The following RXYLT1 variants were observed in gnomAD, a reference collection of about 807,000 sequenced individuals.
RXYLT1 encodes the protein ribitol-5-phosphate xylosyltransferase 1.
Under a neutral mutation model 43.5 loss-of-function variants are expected in RXYLT1, and 41 were observed. That is an observed-to-expected ratio of 0.94 (90% CI 0.73 to 1.22). The LOEUF (loss-of-function observed/expected upper bound fraction) is 1.22. RXYLT1 is among the 50% of genes most tolerant of loss of function. The pLI, the probability that RXYLT1 is intolerant of heterozygous loss-of-function variation, is 0.00. For synonymous variants in RXYLT1, 166 were observed against 194.4 expected, an observed-to-expected ratio of 0.85 and a Z score of 1.21; for missense variants, 514 against 532.0, an observed-to-expected ratio of 0.97 and a Z score of 0.33.
In RXYLT1 at chr12:63,809,320, G is replaced by T. The variant is rs1453682368; in HGVS notation, c.*228G>T. ...ATTTCTATCGCCTAGTGATGTCATA[G>T]CCTAGTGATGACATATGTATTGCAA... On this transcript the variant is annotated 3_prime_UTR_variant, in exon 6 of 6. Transcript: ENST00000261234. 2.5e-6 allele frequency: 1 copy of T among 399,460 alleles called. No individual in the cohort carries two copies. The highest frequency in any genetic ancestry group is 2.9e-5 in the South Asian group (1 of 33,990). The allele number at this position is 399,460 out of a possible 1,614,324, so 24.7% of individuals were successfully genotyped here. A position where few individuals can be genotyped will look rare whatever the true frequency, so the allele number is the denominator to read the frequency against.
At chr12:63,803,929 C>T (rs1414261880) in intron 4 of RXYLT1, 1 of 149,714 alleles carries the variant, frequency 6.7e-6, no homozygotes, top group African/African-American at 2.5e-5. Flanking sequence ...TCTTGGCTCT[C>T]TGCAACCTCT....
At position 63,808,927 on chromosome 12, in the gene RXYLT1, G is replaced by A; in HGVS notation, c.1167G>A (p.Trp389Ter). 1 of 1,613,956 alleles carries A rather than the reference G, an allele frequency of 6.2e-7. No homozygotes were observed. Among genetic ancestry groups the A allele is most frequent in the Non-Finnish European group, 8.5e-7 (1 of 1,180,030 alleles). ...CTCCCTTTATCTTTATCAAGAACTG[G>A]AAGGAACTCCCTGCTGTTTTAGAAA... ...MGAPFIFIKN[W>*]KELPAVLEKE... The change falls in exon 6 of 6, where the codon TGG becomes TGA. Residue 389 changes from tryptophan (W) to a stop codon, truncating the protein, a stop_gained. Transcript: ENST00000261234. LOFTEE classifies it high-confidence loss of function.
chr12:63,796,627 C>A lies in RXYLT1; in HGVS notation c.429-5464C>A, dbSNP rs552870825. Among the ~76,000 whole-genome samples the A allele has an allele frequency of 2.0e-5, 3 of 152,152 alleles. No homozygotes were observed. In the South Asian group the frequency reaches 6.2e-4, roughly 32 times the overall value. ...AGCAAGGAGTAAAATGTTTAGTAGTCTTAAACGTTTTGATTTTAAGAAACA... is the reference window on the plus strand; with the variant it reads ...AGCAAGGAGTAAAATGTTTAGTAGTATTAAACGTTTTGATTTTAAGAAACA... On this transcript the variant is annotated intron_variant, in intron 3 of 5. Coordinates refer to ENST00000261234, the MANE Select transcript of RXYLT1 (RefSeq NM_014254.3).
rs766690024 is a variant in RXYLT1 at position 63,805,421 on chromosome 12, TTTAA to T, written c.914+20_914+23del. On this transcript the variant is annotated intron_variant, in intron 5 of 5. Transcript: ENST00000261234. Reference sequence around the variant, plus strand: ...AAGAGAACAGTAAGTTCTATGCTTATTTAATTCATTCATTTTGTTCTCCAGTCTG... The same window carrying T: ...AAGAGAACAGTAAGTTCTATGCTTATTTCATTCATTTTGTTCTCCAGTCTG... The T allele has an allele frequency of 3.2e-6, 5 of 1,550,582 alleles. No individual in the cohort carries two copies. Among genetic ancestry groups the T allele is most frequent in the Admixed American group, 4.2e-5 (2 of 47,572 alleles).
At position 63,808,757 on chromosome 12, in the gene RXYLT1, G is replaced by C. The variant is rs777596548; in HGVS notation, c.997G>C (p.Gly333Arg). ...GAGTGATCTCACATTGTGCCCGGTC[G>C]GAGTAAACACAGAATGCTATCGAAT... ...LQSDLTLCPV[G>R]VNTECYRIYE... The change falls in exon 6 of 6, where the codon GGA becomes CGA. Residue 333 changes from glycine (G) to arginine (R), a missense_variant. Gly to Arg is a moderately radical substitution (Grantham distance 125, BLOSUM62 -2). Transcript: ENST00000261234. The C allele has an allele frequency of 9.3e-6, 15 of 1,612,418 alleles. No homozygotes were observed. The highest frequency in any genetic ancestry group is 1.2e-5 in the Non-Finnish European group (14 of 1,179,762).
At chr12:63,791,176 CCAT>C (rs1176222854) in intron 3 of RXYLT1, among the ~76,000 whole-genome samples, 2 of 152,150 alleles carry the variant, frequency 1.3e-5, no homozygotes, top group Non-Finnish European at 2.9e-5. Context: ...CTACTCATAG[CCAT>C]CATATGTTGA....
Position 63,798,886 on chromosome 12 carries a change from T to C in RXYLT1, c.429-3205T>C, listed in dbSNP as rs79613012. On this transcript the variant is annotated intron_variant, in intron 3 of 5. Transcript: ENST00000261234. ...AATGAAATAGGAATATGAGTTTTTC[T>C]TTCAGTGTCTGTGTATTTTTTTAAG... is the stretch of plus-strand genomic sequence containing the variant. Among the ~76,000 whole-genome samples, 763 of 152,362 alleles carry C rather than the reference T, an allele frequency of 5.0e-3. 9 individuals carry two copies. Among genetic ancestry groups the C allele is most frequent in the African/African-American group, 0.017 (723 of 41,582 alleles).
At chr12:63,806,972 T>G (rs1898308723) in intron 5 of RXYLT1, 1 of 152,414 alleles carries the variant, frequency 6.6e-6, no homozygotes, top group Non-Finnish European at 1.5e-5. Context: ...CCTCCAATAA[T>G]CTGGGCTTCC....
At chr12:63,787,738 T>G (rs117525324) in intron 3 of RXYLT1, among the ~76,000 whole-genome samples, 5,020 of 152,282 alleles carry the variant, frequency 0.033, 113 homozygotes, top group Middle Eastern at 0.065. Flanking sequence ...GTGATTCTCG[T>G]GCTTCAACAT....
At chr12:63,788,141 T>C (rs1158800884) in intron 3 of RXYLT1, among the ~76,000 whole-genome samples, 2 of 152,230 alleles carry the variant, frequency 1.3e-5, no homozygotes, top group Non-Finnish European at 2.9e-5. Context: ...AAGCTTAAAA[T>C]ATTCAGTAAA....
chr12:63,784,782 C>T (rs1291698724), intron 2 of RXYLT1, among the ~76,000 whole-genome samples, 188 bp from the exon 3 acceptor site: 1 of 152,222 alleles, frequency 6.6e-6, no homozygotes, highest in Non-Finnish European at 1.5e-5. Flanking sequence ...TGAGCTCTGT[C>T]TCTCATTAGC....
In RXYLT1 at chr12:63,800,533, A is replaced by G. The variant is rs114821562; in HGVS notation, c.429-1558A>G. ...AATACATACTAGTGAAAATATTTCA[A>G]TGGTACTGGTTGTTCTAGGCAGCAC... On this transcript the variant is annotated intron_variant, in intron 3 of 5. Coordinates refer to ENST00000261234, the MANE Select transcript of RXYLT1 (RefSeq NM_014254.3). 6.4e-3 allele frequency among the ~76,000 whole-genome samples: 977 copies of G among 152,286 alleles called. 12 individuals carry two copies. The highest frequency in any genetic ancestry group is 0.021 in the African/African-American group (884 of 41,560).
chr12:63,804,255 G>A (rs888809135), intron 4 of RXYLT1: 1 of 152,130 alleles, frequency 6.6e-6, no homozygotes, highest in Non-Finnish European at 1.5e-5. Context: ...CAATGTATAG[G>A]ACAGCCTCCA....
Position 63,802,136 on chromosome 12 carries a change from T to C in RXYLT1, c.474T>C (p.Asp158=). 1 of 1,612,608 alleles carries C rather than the reference T, an allele frequency of 6.2e-7. No individual in the cohort carries two copies. The change falls in exon 4 of 6, where the codon GAT becomes GAC. Residue 158 remains aspartate, a synonymous_variant. Coordinates refer to ENST00000261234, the MANE Select transcript of RXYLT1 (RefSeq NM_014254.3). ...TAATACCAGGGTACTTCTCCGTTGA[T>C]GTGAATAATGTGGTACTCATTTTAA... ...PAVIPGYFSV[D]VNNVVLILNG... is the part of the protein sequence containing the mutation.
chr12:63,782,329 C>T lies in RXYLT1; in HGVS notation c.325+1155C>T, dbSNP rs915203048. 5.9e-5 allele frequency among the ~76,000 whole-genome samples: 9 copies of T among 152,342 alleles called. No individual in the cohort carries two copies. The East Asian group carries it at 1.5e-3, about 26-fold the overall frequency. On this transcript the variant is annotated intron_variant, in intron 2 of 5. Coordinates refer to ENST00000261234, the MANE Select transcript of RXYLT1 (RefSeq NM_014254.3). ...TAAATTTCATCTAAATGGCCAGCTC[C>T]ATTAGATGATATTGCAGGCCTAGGA...
rs1204608933 is a variant in RXYLT1 at position 63,802,423 on chromosome 12, T to C, written c.743+18T>C. 4 of 1,529,712 alleles carry C rather than the reference T, an allele frequency of 2.6e-6. No homozygotes were observed. Among genetic ancestry groups the C allele is most frequent in the Non-Finnish European group, 3.5e-6 (4 of 1,140,242 alleles). The allele number at this position is 1,529,712 out of a possible 1,614,324, so 94.8% of individuals were successfully genotyped here. Reference sequence around the variant, plus strand: ...GTAGCAACGTAAGTACAAAATATGATTAAACATTTTTAGGCCCTAACACCT... The same window carrying C: ...GTAGCAACGTAAGTACAAAATATGACTAAACATTTTTAGGCCCTAACACCT... On this transcript the variant is annotated intron_variant, in intron 4 of 5. Coordinates refer to ENST00000261234, the MANE Select transcript of RXYLT1 (RefSeq NM_014254.3).
In RXYLT1 at chr12:63,802,895, G is replaced by A. The variant is rs148305393; in HGVS notation, c.743+490G>A. On this transcript the variant is annotated intron_variant, in intron 4 of 5. Transcript: ENST00000261234. ...CAAGATACAGTCTTTTAGGCCAGGC[G>A]CAGTGGCTTACTGCCTGTAATCCCA... Among the ~76,000 whole-genome samples, 626 of 151,754 alleles carry A rather than the reference G, an allele frequency of 4.1e-3. 4 individuals are homozygous for A. The highest frequency in any genetic ancestry group is 0.014 in the African/African-American group (599 of 41,356).
In RXYLT1 at chr12:63,785,026, G is replaced by C; in HGVS notation, c.382G>C (p.Ala128Pro). 1 of 1,613,882 alleles carries C rather than the reference G, an allele frequency of 6.2e-7. No homozygotes were observed. Residue 128 changes from alanine to proline, a missense_variant, in exon 3 of 6, where the codon GCT becomes CCT. Coordinates refer to ENST00000261234, the MANE Select transcript of RXYLT1 (RefSeq NM_014254.3). ...CTTACTTGATCCCAGCGATGTGACTGCTCAATGGAGAGAAGGAAAGTCAAT... is the reference window on the plus strand; with the variant it reads ...CTTACTTGATCCCAGCGATGTGACTCCTCAATGGAGAGAAGGAAAGTCAAT... ...EGLLDPSDVT[A>P]QWREGKSIVG...
chr12:63,790,406 C>G (rs1897896485), intron 3 of RXYLT1: 1 of 152,204 alleles, frequency 6.6e-6, no homozygotes, highest in Non-Finnish European at 1.5e-5. Context: ...TGCATGAATA[C>G]ATACAGGGCA....
Sources: allele counts gnomAD v4.1 joint callset (sites outside exome capture counted in the v4.1 genomes callset), GRCh38; gene constraint gnomAD v4.1.1; transcripts MANE v1.5; gene names NCBI Gene and HGNC (gene_info 2026-07-23, HGNC 2026-07-21).